KCNH1: variants seen among roughly 807,000 people sequenced by gnomAD.
KCNH1 encodes potassium voltage-gated channel subfamily H member 1.
A neutral mutation model predicts 69.2 loss-of-function variants in KCNH1; 27 were observed. The observed-to-expected ratio is 0.39, with a 90% confidence interval of 0.29 to 0.54. The LOEUF (loss-of-function observed/expected upper bound fraction) is 0.54. Ranked by LOEUF, KCNH1 falls within the 20% of genes least tolerant of loss-of-function variation. The pLI is 0.68. For synonymous variants in KCNH1, 456 were observed against 487.7 expected (o/e 0.93, Z 0.86); for missense variants, 798 against 1,261.6 (o/e 0.63, Z 5.57).
At chr1:210,903,264 T>C (rs193188484) in intron 7 of KCNH1, among the ~76,000 whole-genome samples, 6 of 152,350 alleles carry the variant, frequency 3.9e-5, no homozygotes, top group Non-Finnish European at 8.8e-5. Context: ...TCAAATTATA[T>C]ATGTACTTGT....
At chr1:210,927,474 G>C (rs1687596315) in intron 6 of KCNH1, among the ~76,000 whole-genome samples, 1 of 152,108 alleles carries the variant, frequency 6.6e-6, no homozygotes, top group Admixed American at 6.5e-5. Flanking sequence ...CTTCATAAAT[G>C]AAGGAAAGAT....
chr1:210,937,333 T>C (rs1687791739), intron 6 of KCNH1, among the ~76,000 whole-genome samples: 1 of 152,198 alleles, frequency 6.6e-6, no homozygotes, highest in Non-Finnish European at 1.5e-5. Flanking sequence ...TCTTCCTGTG[T>C]TTGAGGAATC....
chr1:211,111,117 A>T (rs1016320159), intron 1 of KCNH1, among the ~76,000 whole-genome samples: 1 of 152,192 alleles, frequency 6.6e-6, no homozygotes, highest in Non-Finnish European at 1.5e-5. Flanking sequence ...TATTGATTAA[A>T]TTTTTTACTT....
chr1:210,857,724 G>A (rs1685885533), intron 7 of KCNH1, among the ~76,000 whole-genome samples: 1 of 152,146 alleles, frequency 6.6e-6, no homozygotes, highest in South Asian at 2.1e-4. Context: ...AATATTTTGT[G>A]TACACATGTA....
Position 210,751,395 on chromosome 1 carries a change from G to C in KCNH1, c.2112+23953C>G, listed in dbSNP as rs183648468. On this transcript the variant is annotated intron_variant, in intron 10 of 10. Coordinates refer to ENST00000271751, the MANE Select transcript of KCNH1 (RefSeq NM_172362.3). Reference sequence around the variant, plus strand: ...TTAGTGGCTGTATGACAAATGACTAGAAGAAGATAGAGCCTGGACATAAAA... The same window carrying C: ...TTAGTGGCTGTATGACAAATGACTACAAGAAGATAGAGCCTGGACATAAAA... Among the ~76,000 whole-genome samples the C allele has an allele frequency of 1.6e-4, 25 of 152,310 alleles. 1 individual carries two copies. Among genetic ancestry groups the C allele is most frequent in the Non-Finnish European group, 3.1e-4 (21 of 68,030 alleles).
intron 6 of KCNH1, 92 bp from the exon 7 acceptor site, chr1:210,920,161 G>T: frequency 8.8e-7 from 1 of 1,131,526 alleles, no homozygotes; most frequent in Non-Finnish European, 1.2e-6. Flanking sequence ...TTTAAGCATA[G>T]TGTATTTCCA....
At chr1:210,882,871 T>C (rs1240269552) in intron 7 of KCNH1, among the ~76,000 whole-genome samples, 4 of 152,202 alleles carry the variant, frequency 2.6e-5, no homozygotes, top group South Asian at 2.1e-4. Context: ...TTTTCAGCCC[T>C]GAGAAGCAAA....
chr1:211,035,447 A>C (rs1689879996), intron 5 of KCNH1, among the ~76,000 whole-genome samples: 1 of 150,188 alleles, frequency 6.7e-6, no homozygotes, highest in South Asian at 2.1e-4. Flanking sequence ...ACGGGGTTTC[A>C]CCGTTTTAGC....
chr1:210,950,383 AACAG>A (rs1688042991), intron 6 of KCNH1, among the ~76,000 whole-genome samples: 1 of 51,440 alleles, frequency 1.9e-5, no homozygotes, highest in Admixed American at 2.6e-4. Flanking sequence ...CCCACCCCAC[AACAG>A]TCCCCAGAGT....
At chr1:210,922,430 G>T (rs894286284) in intron 6 of KCNH1, among the ~76,000 whole-genome samples, 12 of 130,782 alleles carry the variant, frequency 9.2e-5, no homozygotes, top group African/African-American at 3.0e-4. Context: ...AACCTGACAA[G>T]TTTGCAGCCA....
At chr1:210,906,290 C>G (rs1687100461) in intron 7 of KCNH1, among the ~76,000 whole-genome samples, 1 of 152,198 alleles carries the variant, frequency 6.6e-6, no homozygotes. Context: ...GAGCAAGCAG[C>G]AGCCATGTCT....
chr1:210,993,275 C>T (rs2102391177), intron 6 of KCNH1, among the ~76,000 whole-genome samples: 1 of 152,294 alleles, frequency 6.6e-6, no homozygotes. Context: ...CTGACCATCT[C>T]ATATCACCCA....
At chr1:210,912,140 C>G (rs1286148763) in intron 7 of KCNH1, among the ~76,000 whole-genome samples, 2 of 152,142 alleles carry the variant, frequency 1.3e-5, no homozygotes, top group Non-Finnish European at 2.9e-5. Flanking sequence ...ATAAGAAAGC[C>G]TATTTACAAG....
At position 210,678,838 on chromosome 1, in the gene KCNH1, G is replaced by A. The variant is rs907554372; in HGVS notation, c.*4443C>T. ...TTCTCATTGAACAACTAATGGATCCGTCGGATGACTCAGAAGTCACAGATA... is the reference window on the plus strand; with the variant it reads ...TTCTCATTGAACAACTAATGGATCCATCGGATGACTCAGAAGTCACAGATA... On this transcript the variant is annotated 3_prime_UTR_variant, in exon 11 of 11. Coordinates refer to ENST00000271751, the MANE Select transcript of KCNH1 (RefSeq NM_172362.3). 3.9e-5 allele frequency: 6 copies of A among 152,150 alleles called. No individual in the cohort carries two copies. Among genetic ancestry groups the A allele is most frequent in the African/African-American group, 9.7e-5 (4 of 41,424 alleles). 9.4% of individuals were successfully genotyped at this position (152,150 alleles called of 1,614,324 possible). A position where few individuals can be genotyped will look rare whatever the true frequency, so the allele number is the denominator to read the frequency against.
chr1:210,775,640 A>C (rs544638260), intron 9 of KCNH1, 96 bp from the exon 10 acceptor site: 282 of 832,684 alleles, frequency 3.4e-4, no homozygotes, highest in Non-Finnish European at 3.9e-4. Context: ...CTGTCCTTTC[A>C]GCATTCTGCA....
At chr1:210,781,593 C>A (rs1383852010) in intron 9 of KCNH1, among the ~76,000 whole-genome samples, 1 of 152,148 alleles carries the variant, frequency 6.6e-6, no homozygotes, top group Admixed American at 6.5e-5. Flanking sequence ...TCTTTCCAGG[C>A]AAGCCCTAAG....
intron 10 of KCNH1, among the ~76,000 whole-genome samples, chr1:210,719,890 G>A (rs1384243610): frequency 6.6e-6 from 1 of 152,070 alleles, no homozygotes; most frequent in African/African-American, 2.4e-5. Flanking sequence ...AGACAAAGAG[G>A]TTCAAACATC....
At chr1:211,109,427 C>T (rs1345274445) in intron 1 of KCNH1, among the ~76,000 whole-genome samples, 1 of 152,200 alleles carries the variant, frequency 6.6e-6, no homozygotes, top group African/African-American at 2.4e-5. Flanking sequence ...ATTTCCTGAA[C>T]TGAATAGCTT....
At chr1:210,733,234 A>T (rs1456323588) in intron 10 of KCNH1, among the ~76,000 whole-genome samples, 1 of 152,134 alleles carries the variant, frequency 6.6e-6, no homozygotes, top group Non-Finnish European at 1.5e-5. Context: ...ATATTTTCTG[A>T]ATGGAACTCA....
Sources: allele counts gnomAD v4.1 joint callset (sites outside exome capture counted in the v4.1 genomes callset), GRCh38; gene constraint gnomAD v4.1.1; transcripts MANE v1.5; gene names NCBI Gene and HGNC (gene_info 2026-07-23, HGNC 2026-07-21).